The following MARCHF11 variants were observed in gnomAD, a reference collection of about 807,000 sequenced individuals.
MARCHF11 encodes the protein membrane associated ring-CH-type finger 11.
MARCHF11 carries 29 observed loss-of-function variants against 37.3 expected under a neutral mutation model. The ratio of observed to expected loss-of-function variants is 0.78; its 90% CI spans 0.58 to 1.06. The LOEUF is 1.06. Ranked by LOEUF, MARCHF11 falls within the 50% of genes least tolerant of loss-of-function variation. The probability of loss-of-function intolerance (pLI) is 0.00; values close to 1 mark genes in which losing one functional copy is unlikely to be tolerated. For synonymous variants in MARCHF11, 233 were observed against 228.0 expected, an observed-to-expected ratio of 1.02 and a Z score of -0.20; for missense variants, 482 against 533.4, an observed-to-expected ratio of 0.90 and a Z score of 0.95.
intron 2 of MARCHF11, among the ~76,000 whole-genome samples, chr5:16,097,814 C>G (rs1237390701): frequency 6.6e-6 from 1 of 152,070 alleles, no homozygotes; most frequent in Non-Finnish European, 1.5e-5. Context: ...CAGAGGAGGA[C>G]AGAACATTTT....
intron 3 of MARCHF11, among the ~76,000 whole-genome samples, chr5:16,087,400 T>C (rs1190809354): frequency 6.6e-6 from 1 of 152,252 alleles, no homozygotes; most frequent in Admixed American, 6.5e-5. Flanking sequence ...ACTTAGGAAA[T>C]GCAACCCATT....
chr5:16,081,305 A>C (rs1455575159), intron 3 of MARCHF11, among the ~76,000 whole-genome samples: 1 of 152,172 alleles, frequency 6.6e-6, no homozygotes, highest in African/African-American at 2.4e-5. Flanking sequence ...AAATCTTTCA[A>C]GCTGTGCTAA....
chr5:16,157,019 T>C (rs1737989144), intron 2 of MARCHF11, among the ~76,000 whole-genome samples: 2 of 151,886 alleles, frequency 1.3e-5, no homozygotes, highest in Non-Finnish European at 2.9e-5. Context: ...TGCTCTACAT[T>C]TTGCTAAATG....
At chr5:16,164,829 T>G (rs1234225468) in intron 2 of MARCHF11, among the ~76,000 whole-genome samples, 2 of 152,102 alleles carry the variant, frequency 1.3e-5, no homozygotes, top group African/African-American at 4.8e-5. Context: ...GCCACCATTT[T>G]GTCCCTTTTG....
rs1579388131 is a variant in MARCHF11, at chr5:16,111,612, T to G, written c.694-20531A>C. Among the ~76,000 whole-genome samples the G allele has an allele frequency of 2.6e-5, 4 of 152,346 alleles. No individual in the cohort carries two copies. In the South Asian group the frequency reaches 8.3e-4, roughly 32 times the overall value. On this transcript the variant is annotated intron_variant, in intron 2 of 3. Transcript: ENST00000332432. ...ACAGAGCATAAAGGTTCAGAAAATT[T>G]GCAGCCTGACTACTCAATAGAAAAG...
chr5:16,151,050 A>G lies in MARCHF11; in HGVS notation c.693+26676T>C, dbSNP rs558232634. Among the ~76,000 whole-genome samples the G allele has an allele frequency of 2.0e-5, 3 of 152,142 alleles. No individual in the cohort carries two copies. In the East Asian group the frequency reaches 5.8e-4, roughly 30 times the overall value. On this transcript the variant is annotated intron_variant, in intron 2 of 3. Coordinates refer to ENST00000332432, the MANE Select transcript of MARCHF11 (RefSeq NM_001102562.3). ...TTCTAGTAAATGTCTTTTTCTAGCT[A>G]TTGCTCTATATTCACAGAAATGCTT...
intron 2 of MARCHF11, among the ~76,000 whole-genome samples, chr5:16,175,548 C>T (rs2126612337): frequency 6.6e-6 from 1 of 152,244 alleles, no homozygotes; most frequent in East Asian, 1.9e-4. Flanking sequence ...CTTTACTGTG[C>T]CTCAGTTTCC....
intron 2 of MARCHF11, among the ~76,000 whole-genome samples, chr5:16,127,369 G>A (rs185137344): frequency 5.9e-5 from 9 of 152,260 alleles, no homozygotes; most frequent in Non-Finnish European, 2.9e-5. Flanking sequence ...TCTCCCTCGT[G>A]GTGACCTTGG....
chr5:16,145,896 T>C (rs1198396152), intron 2 of MARCHF11, among the ~76,000 whole-genome samples: 6 of 152,166 alleles, frequency 3.9e-5, no homozygotes, highest in African/African-American at 1.4e-4. Flanking sequence ...AAGTGAAGAA[T>C]TAGATACAAC....
intron 2 of MARCHF11, among the ~76,000 whole-genome samples, chr5:16,126,692 C>T (rs1028250715): frequency 6.6e-5 from 10 of 152,168 alleles, no homozygotes; most frequent in Admixed American, 6.5e-4. Context: ...TACAGCATTT[C>T]AAATATTTCA....
At chr5:16,099,663 C>A (rs1202452518) in intron 2 of MARCHF11, among the ~76,000 whole-genome samples, 1 of 151,966 alleles carries the variant, frequency 6.6e-6, no homozygotes, top group Non-Finnish European at 1.5e-5. Flanking sequence ...AGTATAATTT[C>A]AATTCATAGA....
intron 2 of MARCHF11, among the ~76,000 whole-genome samples, chr5:16,116,204 A>G (rs1737223894): frequency 6.6e-6 from 1 of 152,164 alleles, no homozygotes; most frequent in Non-Finnish European, 1.5e-5. Context: ...CAAATGAAGC[A>G]TTTCAATCAC....
Position 16,081,010 on chromosome 5 carries a change from G to A in MARCHF11, c.886+9879C>T, listed in dbSNP as rs114834988. ...GTTCTTCCCATACCAGATTTCATAC[G>A]ATGTCTTTAAAAATGACAGGACTTC... On this transcript the variant is annotated intron_variant, in intron 3 of 3. Coordinates refer to ENST00000332432, the MANE Select transcript of MARCHF11 (RefSeq NM_001102562.3). Among the ~76,000 whole-genome samples the A allele has an allele frequency of 6.2e-3, 950 of 152,088 alleles. 10 individuals carry two copies. The highest frequency in any genetic ancestry group is 0.021 in the African/African-American group (890 of 41,446).
At chr5:16,094,801 T>C (rs1736839571) in intron 2 of MARCHF11, among the ~76,000 whole-genome samples, 1 of 152,166 alleles carries the variant, frequency 6.6e-6, no homozygotes, top group African/African-American at 2.4e-5. Flanking sequence ...AATTTAGTAA[T>C]TTACTAAATT....
chr5:16,079,538 C>G (rs1324928291), intron 3 of MARCHF11, among the ~76,000 whole-genome samples: 1 of 152,210 alleles, frequency 6.6e-6, no homozygotes, highest in Non-Finnish European at 1.5e-5. Context: ...TCTGCACTTA[C>G]TCTTCATCCC....
rs765354762 is a variant in MARCHF11 at position 16,067,825 on chromosome 5, A to G, written c.887-32T>C. On this transcript the variant is annotated intron_variant, in intron 3 of 3. Coordinates refer to ENST00000332432, the MANE Select transcript of MARCHF11 (RefSeq NM_001102562.3). The stretch of plus-strand genomic sequence containing the variant: ...TTTGAGAAAATAAAAAACCAAAAAG[A>G]CTGGTGATAATCCAAGGCTGGGAGT... 6 of 1,564,852 alleles carry G rather than the reference A, an allele frequency of 3.8e-6. No homozygotes were observed. The African/African-American group carries it at 6.8e-5, about 18-fold the overall frequency.
intron 2 of MARCHF11, among the ~76,000 whole-genome samples, chr5:16,151,103 T>C (rs1341634699): frequency 2.0e-5 from 3 of 152,072 alleles, no homozygotes; most frequent in African/African-American, 7.2e-5. Context: ...TAAACAGCTA[T>C]CTATTCAACT....
At chr5:16,113,260 T>G (rs1244973010) in intron 2 of MARCHF11, among the ~76,000 whole-genome samples, 2 of 152,218 alleles carry the variant, frequency 1.3e-5, no homozygotes, top group Non-Finnish European at 2.9e-5. Context: ...TAACATAATT[T>G]TTTTCAGCAT....
chr5:16,128,532 G>C (rs1415365784), intron 2 of MARCHF11, among the ~76,000 whole-genome samples: 1 of 152,098 alleles, frequency 6.6e-6, no homozygotes, highest in Non-Finnish European at 1.5e-5. Context: ...AGTTGATCAG[G>C]GTCCCACTAA....
Sources: allele counts gnomAD v4.1 joint callset (sites outside exome capture counted in the v4.1 genomes callset), GRCh38; gene constraint gnomAD v4.1.1; transcripts MANE v1.5; gene names NCBI Gene and HGNC (gene_info 2026-07-23, HGNC 2026-07-21).